The following SNX29 variants were observed in gnomAD, a reference collection of about 807,000 sequenced individuals.
SNX29 encodes the protein sorting nexin 29.
SNX29 carries 78 observed loss-of-function variants against 102.1 expected under a neutral mutation model. That is an observed-to-expected ratio of 0.76 (90% CI 0.64 to 0.92). The LOEUF (loss-of-function observed/expected upper bound fraction) is 0.92. SNX29 is among the 40% of genes least tolerant of loss of function. The pLI is 0.00. For missense variants in SNX29, 1,280 were observed against 1,061.7 expected (o/e 1.21, Z -2.86); for synonymous variants, 580 against 414.5 (o/e 1.40, Z -4.85).
chr16:12,543,150 G>A (rs1420106624), intron 20 of SNX29, among the ~76,000 whole-genome samples: 2 of 152,158 alleles, frequency 1.3e-5, no homozygotes, highest in African/African-American at 4.8e-5. Context: ...AGGCCCTGAA[G>A]CATAAGTGTT....
intron 7 of SNX29, among the ~76,000 whole-genome samples, chr16:12,049,470 C>G (rs2050218647): frequency 6.6e-6 from 1 of 151,932 alleles, no homozygotes; most frequent in South Asian, 2.1e-4. Context: ...GTAGGTGGGA[C>G]TATAGGCATG....
intron 18 of SNX29, among the ~76,000 whole-genome samples, chr16:12,463,333 C>T (rs994327255): frequency 3.9e-5 from 6 of 152,158 alleles, no homozygotes; most frequent in Admixed American, 3.9e-4. Flanking sequence ...AAAGACATAC[C>T]CGAGACTGGG....
intron 20 of SNX29, among the ~76,000 whole-genome samples, chr16:12,550,409 C>G (rs997718579): frequency 2.0e-5 from 3 of 152,028 alleles, no homozygotes; most frequent in African/African-American, 7.3e-5. Flanking sequence ...GTGGTGCACG[C>G]CTGTACTCCC....
intron 13 of SNX29, among the ~76,000 whole-genome samples, chr16:12,164,317 C>T (rs1182816127): frequency 2.0e-5 from 3 of 152,066 alleles, no homozygotes; most frequent in Non-Finnish European, 2.9e-5. Flanking sequence ...TTCCAGTTGA[C>T]CAAGATTTCT....
rs201360597 is a variant in SNX29, at chr16:12,384,317, G to A, written c.1900-14129G>A. ...TCCAAATTTTCTCCACAGTGGTTGT[G>A]TGAATTTACATTCCCATCAACAGTG... On this transcript the variant is annotated intron_variant, in intron 16 of 20. Transcript: ENST00000566228. Among the ~76,000 whole-genome samples, 4 of 152,264 alleles carry A rather than the reference G, an allele frequency of 2.6e-5. No homozygotes were observed. The East Asian group carries it at 7.7e-4, about 29-fold the overall frequency.
intron 12 of SNX29, 48 bp from the exon 13 acceptor site, chr16:12,129,581 TG>T: frequency 6.4e-7 from 1 of 1,559,750 alleles, no homozygotes; most frequent in South Asian, 1.2e-5. Flanking sequence ...CTGGGCTCAG[TG>T]GGGTCTGGGT....
At chr16:12,428,003 T>C (rs554848597) in intron 18 of SNX29, among the ~76,000 whole-genome samples, 1 of 152,362 alleles carries the variant, frequency 6.6e-6, no homozygotes, top group East Asian at 1.9e-4. Flanking sequence ...ACACAGGAGA[T>C]TGCATGAAGC....
chr16:12,002,908 C>T (rs2056337963), intron 2 of SNX29, 83 bp from the exon 3 acceptor site: 3 of 1,538,286 alleles, frequency 2.0e-6, no homozygotes, highest in South Asian at 2.2e-5. Flanking sequence ...CTCCCTGACC[C>T]TTAAGCCCTG....
chr16:12,567,490 G>C (rs779566392), intron 20 of SNX29, among the ~76,000 whole-genome samples: 5 of 152,156 alleles, frequency 3.3e-5, no homozygotes, highest in Non-Finnish European at 7.3e-5. Context: ...CTTTACAGAT[G>C]TGATTAAGGA....
chr16:12,497,635 A>G (rs906424064), intron 19 of SNX29, among the ~76,000 whole-genome samples: 1 of 152,186 alleles, frequency 6.6e-6, no homozygotes, highest in Non-Finnish European at 1.5e-5. Context: ...GACATGAGAA[A>G]TCAGCTGAGT....
intron 18 of SNX29, among the ~76,000 whole-genome samples, chr16:12,470,839 G>T (rs1033289453): frequency 6.6e-6 from 1 of 152,218 alleles, no homozygotes; most frequent in Non-Finnish European, 1.5e-5. Context: ...AAGGTGATAA[G>T]GGTTACAATA....
chr16:12,205,787 G>T (rs1291799009), intron 14 of SNX29, among the ~76,000 whole-genome samples: 2 of 152,162 alleles, frequency 1.3e-5, no homozygotes, highest in Non-Finnish European at 2.9e-5. Context: ...TTTCTTCCCG[G>T]TGTTCCACCT....
chr16:12,548,196 C>A (rs957830883), intron 20 of SNX29, among the ~76,000 whole-genome samples: 1 of 152,200 alleles, frequency 6.6e-6, no homozygotes, highest in African/African-American at 2.4e-5. Context: ...TCCCACAGCG[C>A]CTCCCACAAG....
chr16:12,538,664 C>T (rs1019067689), intron 20 of SNX29, among the ~76,000 whole-genome samples: 2 of 152,150 alleles, frequency 1.3e-5, no homozygotes, highest in Admixed American at 6.6e-5. Flanking sequence ...GAAAGATCCA[C>T]AGATCTTTCA....
chr16:12,548,759 A>T (rs985003427), intron 20 of SNX29, among the ~76,000 whole-genome samples: 9 of 152,144 alleles, frequency 5.9e-5, no homozygotes, highest in African/African-American at 2.2e-4. Context: ...TGCTGAGCTC[A>T]TCTCTCATCC....
chr16:12,517,700 C>G (rs1056727594), intron 19 of SNX29, among the ~76,000 whole-genome samples: 56 of 152,142 alleles, frequency 3.7e-4, no homozygotes, highest in Admixed American at 1.1e-3. Flanking sequence ...GAATTACCAT[C>G]TAGCAAGGGA....
chr16:12,048,476 A>G lies in SNX29; in HGVS notation c.604A>G (p.Asn202Asp). The G allele has an allele frequency of 6.2e-7, 1 of 1,613,900 alleles. No homozygotes were observed. Among genetic ancestry groups the G allele is most frequent in the Non-Finnish European group, 8.5e-7 (1 of 1,179,866 alleles). ...AGACCTCTTAAAGGAGTCAACGCAG[A>G]ACGTGACCTCCTTGCTGAAGGAGTC... is the stretch of plus-strand genomic sequence containing the variant. ...VSDLLKESTQ[N>D]VTSLLKESTQ... Residue 202 changes from asparagine to aspartate, a missense_variant, in exon 7 of 21, where the codon AAC becomes GAC. Physicochemically the swap from Asn to Asp is conservative, Grantham distance 23. Coordinates refer to ENST00000566228, the MANE Select transcript of SNX29 (RefSeq NM_032167.5).
chr16:12,199,738 T>TTC, intron 14 of SNX29, 55 bp downstream of exon 14: 5 of 1,445,296 alleles, frequency 3.5e-6, no homozygotes, highest in Non-Finnish European at 4.8e-6. Context: ...CATTAACACC[T>TTC]GTACGTGGCA....
chr16:12,099,342 C>T (rs982257387), intron 11 of SNX29, among the ~76,000 whole-genome samples: 5 of 152,198 alleles, frequency 3.3e-5, no homozygotes, highest in African/African-American at 1.2e-4. Context: ...CTCCCATCTC[C>T]TCTTCCACTG....
Sources: allele counts gnomAD v4.1 joint callset (sites outside exome capture counted in the v4.1 genomes callset), GRCh38; gene constraint gnomAD v4.1.1; transcripts MANE v1.5; gene names NCBI Gene and HGNC (gene_info 2026-07-23, HGNC 2026-07-21).